CAMK2A: variants seen among roughly 807,000 people sequenced by gnomAD.
CAMK2A encodes the protein calcium/calmodulin-dependent protein kinase type II subunit alpha.
In CAMK2A, 7 loss-of-function variants were observed where a neutral mutation model predicts 79.2. That is an observed-to-expected ratio of 0.09 (90% CI 0.05 to 0.17). The LOEUF (loss-of-function observed/expected upper bound fraction) is 0.17, where lower values mean the gene tolerates loss of function less well. Ranked by LOEUF, CAMK2A falls within the 10% of genes least tolerant of loss-of-function variation. The pLI is 1.00. For synonymous variants in CAMK2A, 242 were observed against 251.7 expected, an observed-to-expected ratio of 0.96 and a Z score of 0.36; for missense variants, 214 against 646.4, an observed-to-expected ratio of 0.33 and a Z score of 7.25.
intron 6 of CAMK2A, among the ~76,000 whole-genome samples, 197 bp from the exon 7 acceptor site, chr5:150,253,743 C>T (rs1379320891): frequency 1.3e-5 from 2 of 152,224 alleles, no homozygotes; most frequent in African/African-American, 2.4e-5. Flanking sequence ...ATGGCAAGAC[C>T]TCCATCCGCT....
At chr5:150,271,645 A>G (rs183651585) in intron 2 of CAMK2A, among the ~76,000 whole-genome samples, 83 of 152,232 alleles carry the variant, frequency 5.5e-4, no homozygotes, top group African/African-American at 1.8e-3. Context: ...ACCTCACCCA[A>G]CAGAATTCCC....
intron 1 of CAMK2A, among the ~76,000 whole-genome samples, chr5:150,280,249 C>A (rs753818807): frequency 2.0e-5 from 3 of 152,126 alleles, no homozygotes; most frequent in Non-Finnish European, 4.4e-5. Context: ...TTTTATCTAT[C>A]GTGGCCTTCT....
intron 13 of CAMK2A, among the ~76,000 whole-genome samples, chr5:150,244,938 C>T (rs1179545348): frequency 6.6e-6 from 1 of 152,140 alleles, no homozygotes; most frequent in Non-Finnish European, 1.5e-5. Context: ...CTTCCACCCT[C>T]CTCCAGTCCC....
At chr5:150,252,181 GC>G in intron 7 of CAMK2A, 116 bp from the exon 8 acceptor site, 1 of 770,976 alleles carries the variant, frequency 1.3e-6, no homozygotes, top group South Asian at 1.7e-5. Flanking sequence ...GAGGAAAACA[GC>G]CCCTGCCCCT....
chr5:150,241,444 C>T (rs1755332875), intron 13 of CAMK2A, among the ~76,000 whole-genome samples: 3 of 138,020 alleles, frequency 2.2e-5, no homozygotes, highest in Admixed American at 2.1e-4. Context: ...CCCCTCCTCT[C>T]TCTTTTACTC....
intron 2 of CAMK2A, among the ~76,000 whole-genome samples, chr5:150,271,668 C>T (rs893420941): frequency 2.0e-5 from 3 of 152,212 alleles, no homozygotes; most frequent in Admixed American, 6.5e-5. Flanking sequence ...CACCACCAGG[C>T]GGTCCCAAGG....
chr5:150,242,745 G>T (rs945682843), intron 13 of CAMK2A, among the ~76,000 whole-genome samples: 1 of 152,138 alleles, frequency 6.6e-6, no homozygotes, highest in Non-Finnish European at 1.5e-5. Context: ...AGTTTCAATC[G>T]TACTGAAAAT....
intron 1 of CAMK2A, among the ~76,000 whole-genome samples, chr5:150,274,064 T>C (rs1029486881): frequency 5.3e-5 from 8 of 152,250 alleles, no homozygotes; most frequent in African/African-American, 1.9e-4. Flanking sequence ...AGTGCCTGTT[T>C]CCTTTGCCCT....
chr5:150,280,236 A>G (rs543573161), intron 1 of CAMK2A, among the ~76,000 whole-genome samples: 535 of 152,204 alleles, frequency 3.5e-3, no homozygotes, highest in Non-Finnish European at 4.7e-3. Context: ...AAACAGGAAC[A>G]CTTTTTATCT....
At position 150,250,799 on chromosome 5, in the gene CAMK2A, C is replaced by T. The variant is rs368367831; in HGVS notation, c.705G>A (p.Pro235=). 2.5e-5 allele frequency: 41 copies of T among 1,613,836 alleles called. No individual in the cohort carries two copies. The highest frequency in any genetic ancestry group is 5.5e-5 in the South Asian group (5 of 91,070). The change falls in exon 10 of 19, where the codon CCG becomes CCA. Residue 235 remains proline (P), a synonymous_variant. Transcript: ENST00000671881. The part of the protein sequence containing the change: ...IKAGAYDFPS[P]EWDTVTPEAK... ...CTTCCGGGGTGACAGTGTCCCATTC[C>T]GGCGATGGGAACTGGAAGGGGCAGA...
In CAMK2A at chr5:150,256,383, C is replaced by G. The variant is rs1756058577; in HGVS notation, c.411+190G>C. Among the ~76,000 whole-genome samples the G allele has an allele frequency of 6.6e-6, 1 of 152,206 alleles. No homozygotes were observed. Among genetic ancestry groups the G allele is most frequent in the African/African-American group, 2.4e-5 (1 of 41,440 alleles). ...AGTTGGAAGAGCAGGGGCCCAAACA[C>G]AGACGCTCTACCTTCCTGAGCTCTG... On this transcript the variant is annotated intron_variant, in intron 6 of 18. Transcript: ENST00000671881. This position sits in a 1 kb window ranked among gnomAD's most constrained non-coding sequence, Gnocchi z 4.6.
chr5:150,270,773 G>C (rs907062067), intron 2 of CAMK2A, among the ~76,000 whole-genome samples: 1 of 152,114 alleles, frequency 6.6e-6, no homozygotes. Context: ...CCTTCCAAGA[G>C]GTCAAGGACT....
At chr5:150,248,472 C>A (rs1324384210) in intron 11 of CAMK2A, among the ~76,000 whole-genome samples, 1 of 144,338 alleles carries the variant, frequency 6.9e-6, no homozygotes, top group African/African-American at 2.5e-5. Context: ...TCTCCTAATG[C>A]TATCCCTCCC....
At chr5:150,243,757 T>C (rs1397347074) in intron 13 of CAMK2A, among the ~76,000 whole-genome samples, 1 of 152,170 alleles carries the variant, frequency 6.6e-6, no homozygotes, top group Non-Finnish European at 1.5e-5. Flanking sequence ...CCAATAGGCT[T>C]AGGAGGTGGA....
At chr5:150,261,266 A>G (rs1756294422) in intron 3 of CAMK2A, among the ~76,000 whole-genome samples, 1 of 152,188 alleles carries the variant, frequency 6.6e-6, no homozygotes, top group African/African-American at 2.4e-5. Context: ...ATGGTACTAG[A>G]GTTGGCTTCA....
At chr5:150,250,180 A>C in intron 11 of CAMK2A, 46 bp downstream of exon 11, 6 of 1,418,288 alleles carry the variant, frequency 4.2e-6, no homozygotes, top group Non-Finnish European at 6.0e-6. Context: ...AGACCCAGGC[A>C]GAGCTAGTCC....
At chr5:150,270,057 A>G (rs978589975) in intron 2 of CAMK2A, among the ~76,000 whole-genome samples, 3 of 152,204 alleles carry the variant, frequency 2.0e-5, no homozygotes, top group Admixed American at 1.3e-4. Flanking sequence ...AGCCTCATGC[A>G]TGTGCCCAAT....
chr5:150,250,953 T>TC, intron 9 of CAMK2A, 143 bp from the exon 10 acceptor site: 5 of 904,880 alleles, frequency 5.5e-6, no homozygotes, highest in Non-Finnish European at 8.5e-6. Flanking sequence ...TTGGGGCTCC[T>TC]CACTGCAGGG....
chr5:150,238,689 C>T lies in CAMK2A; in HGVS notation c.1066+11G>A, dbSNP rs751636760. ...GTCTAAGGGGTCCCGACACTGAAGG[C>T]CCCTCCCTACCTTTGGTGTCTTCAT... On this transcript the variant is annotated intron_variant, in intron 15 of 18. Transcript: ENST00000671881. 2 of 1,601,498 alleles carry T rather than the reference C, an allele frequency of 1.2e-6. No homozygotes were observed. Among genetic ancestry groups the T allele is most frequent in the Non-Finnish European group, 1.7e-6 (2 of 1,172,658 alleles).
Sources: gnomAD v4.1 joint callset for allele counts (sites outside exome capture counted in the v4.1 genomes callset) on GRCh38, gnomAD v4.1.1 for gene constraint, Gnocchi (gnomAD v3.1) non-coding constraint, MANE v1.5 for transcripts, NCBI Gene and HGNC (gene_info 2026-07-23, HGNC 2026-07-21) for gene names.